CDH13: variants seen among roughly 807,000 people sequenced by gnomAD.
CDH13 encodes the protein cadherin-13.
Under a neutral mutation model 63.8 loss-of-function variants are expected in CDH13, and 24 were observed. The observed-to-expected ratio is 0.38, with a 90% CI of 0.27 to 0.53. CDH13 has a LOEUF of 0.53. CDH13 is among the 20% of genes least tolerant of loss of function. The pLI is 0.85. For synonymous variants in CDH13, 503 were observed against 355.3 expected, an observed-to-expected ratio of 1.42 and a Z score of -4.67; for missense variants, 1,049 against 903.1, an observed-to-expected ratio of 1.16 and a Z score of -2.07.
At chr16:83,549,759 A>G (rs890624565) in intron 7 of CDH13, among the ~76,000 whole-genome samples, 2 of 152,218 alleles carry the variant, frequency 1.3e-5, no homozygotes, top group African/African-American at 4.8e-5. Flanking sequence ...AAAACTTGTC[A>G]ACTAAAGAAA....
At chr16:83,109,794 G>C (rs2034970843) in intron 3 of CDH13, among the ~76,000 whole-genome samples, 1 of 152,182 alleles carries the variant, frequency 6.6e-6, no homozygotes, top group African/African-American at 2.4e-5. Flanking sequence ...GCAGATAGAG[G>C]GAAACTGTAT....
intron 3 of CDH13, among the ~76,000 whole-genome samples, chr16:83,036,430 G>A (rs1916862103): frequency 6.6e-6 from 1 of 152,034 alleles, no homozygotes. Context: ...GATTATAGGT[G>A]TGAGCCGCAG....
At chr16:83,193,169 T>C (rs1471617269) in intron 4 of CDH13, among the ~76,000 whole-genome samples, 1 of 150,844 alleles carries the variant, frequency 6.6e-6, no homozygotes, top group African/African-American at 2.4e-5. Flanking sequence ...AAAAAAAAGA[T>C]CAGGGTATTA....
chr16:83,007,545 T>C (rs2151431568), intron 2 of CDH13, among the ~76,000 whole-genome samples: 1 of 152,252 alleles, frequency 6.6e-6, no homozygotes, highest in African/African-American at 2.4e-5. Flanking sequence ...AAAAATGTCT[T>C]AAGGCCGGGC....
chr16:82,810,967 G>A (rs1032470673), intron 1 of CDH13, among the ~76,000 whole-genome samples: 10 of 152,078 alleles, frequency 6.6e-5, no homozygotes, highest in African/African-American at 2.4e-4. Flanking sequence ...CGTGTGCCCT[G>A]GACCCTTCTC....
intron 6 of CDH13, among the ~76,000 whole-genome samples, chr16:83,372,943 C>T (rs537280807): frequency 5.9e-5 from 9 of 152,076 alleles, no homozygotes; most frequent in Non-Finnish European, 7.4e-5. Context: ...GGACCTTTGG[C>T]AGAGTCAAGT....
intron 7 of CDH13, among the ~76,000 whole-genome samples, chr16:83,550,349 A>C (rs183819218): frequency 1.3e-5 from 2 of 152,244 alleles, no homozygotes; most frequent in African/African-American, 4.8e-5. Context: ...ACGTCTGGCA[A>C]AGCTTTCCAG....
At chr16:82,833,890 A>T (rs955762353) in intron 1 of CDH13, among the ~76,000 whole-genome samples, 1 of 152,226 alleles carries the variant, frequency 6.6e-6, no homozygotes, top group African/African-American at 2.4e-5. Context: ...AGCCCAGAGC[A>T]GATGCATAAT....
At chr16:83,743,748 C>CTTTTGTTTTTTTTTTTTT (rs1912281679) in intron 10 of CDH13, among the ~76,000 whole-genome samples, 1 of 76,258 alleles carries the variant, frequency 1.3e-5, no homozygotes, top group Non-Finnish European at 2.2e-5. Flanking sequence ...TTTCTTTTTT[C>CTTTTGTTTTTTTTTTTTT]TTTTTTTTTT....
At chr16:83,699,133 A>G (rs972233370) in intron 10 of CDH13, among the ~76,000 whole-genome samples, 12 of 152,248 alleles carry the variant, frequency 7.9e-5, no homozygotes, top group African/African-American at 2.2e-4. Flanking sequence ...TGCTAAATGC[A>G]TGACTTATAA....
At chr16:83,173,091 C>T (rs1038491438) in intron 4 of CDH13, among the ~76,000 whole-genome samples, 2 of 152,058 alleles carry the variant, frequency 1.3e-5, no homozygotes, top group African/African-American at 4.8e-5. Flanking sequence ...AAAGCAGTTA[C>T]CCTGTGCCAG....
At chr16:83,479,888 T>C (rs997153242) in intron 6 of CDH13, among the ~76,000 whole-genome samples, 1 of 152,188 alleles carries the variant, frequency 6.6e-6, no homozygotes, top group African/African-American at 2.4e-5. Flanking sequence ...ATTAACGTTT[T>C]GTGATGGAGT....
chr16:82,929,281 T>G (rs3848298), intron 2 of CDH13, among the ~76,000 whole-genome samples: 2 of 151,808 alleles, frequency 1.3e-5, no homozygotes, highest in Admixed American at 6.6e-5. Flanking sequence ...AGGACTTTAC[T>G]CTCAGGATAT....
chr16:83,362,723 G>T (rs1177174431), intron 6 of CDH13, among the ~76,000 whole-genome samples: 4 of 152,184 alleles, frequency 2.6e-5, no homozygotes, highest in African/African-American at 4.8e-5. Flanking sequence ...CTGTCTCATT[G>T]TGGGTTAATT....
chr16:83,736,794 A>T (rs1276198054), intron 10 of CDH13, among the ~76,000 whole-genome samples: 1 of 152,216 alleles, frequency 6.6e-6, no homozygotes. Flanking sequence ...GTCCTATTGC[A>T]GCAGTTGGGA....
chr16:83,722,600 G>C (rs538254034), intron 10 of CDH13, among the ~76,000 whole-genome samples: 14 of 152,312 alleles, frequency 9.2e-5, no homozygotes, highest in Admixed American at 2.0e-4. Context: ...AAGGAAAATA[G>C]CCAGAGGTAA....
chr16:83,386,618 C>T (rs758268461), intron 6 of CDH13, among the ~76,000 whole-genome samples: 78 of 152,264 alleles, frequency 5.1e-4, no homozygotes, highest in Non-Finnish European at 1.0e-3. Context: ...ATGTGCTACC[C>T]TTGCTAGTTG....
intron 1 of CDH13, among the ~76,000 whole-genome samples, chr16:82,829,898 C>T (rs1301923295): frequency 6.6e-6 from 1 of 152,152 alleles, no homozygotes; most frequent in Non-Finnish European, 1.5e-5. Flanking sequence ...TGCCTCATCT[C>T]CTTTGAGGAC....
intron 2 of CDH13, among the ~76,000 whole-genome samples, chr16:83,015,976 C>T (rs1409959626): frequency 6.6e-6 from 1 of 151,862 alleles, no homozygotes; most frequent in Non-Finnish European, 1.5e-5. Context: ...TTGGCTTTTA[C>T]TTCTTAAGGA....
Sources: allele counts gnomAD v4.1 joint callset (sites outside exome capture counted in the v4.1 genomes callset), GRCh38; gene constraint gnomAD v4.1.1; transcripts MANE v1.5; gene names NCBI Gene and HGNC (gene_info 2026-07-23, HGNC 2026-07-21).